Variants in DSCAM observed in about 807,000 individuals in gnomAD.
The protein encoded by DSCAM is cell adhesion molecule DSCAM.
DSCAM carries 47 observed loss-of-function variants against 217.7 expected under a neutral mutation model. The observed-to-expected ratio is 0.22, with a 90% CI of 0.17 to 0.28. The LOEUF (loss-of-function observed/expected upper bound fraction) is 0.28, where lower values mean the gene tolerates loss of function less well. Ranked by LOEUF, DSCAM falls within the 10% of genes least tolerant of loss-of-function variation. The pLI, the probability that DSCAM is intolerant of heterozygous loss-of-function variation, is 1.00. For missense variants in DSCAM, 2,080 were observed against 2,618.3 expected (o/e 0.79, Z 4.49); for synonymous variants, 1,056 against 1,015.3 (o/e 1.04, Z -0.76).
chr21:40,061,308 C>T (rs2089115727), intron 28 of DSCAM, among the ~76,000 whole-genome samples: 1 of 152,142 alleles, frequency 6.6e-6, no homozygotes, highest in African/African-American at 2.4e-5. Flanking sequence ...GTGGCTCATG[C>T]CTGTAATCCC....
At chr21:40,351,117 T>C (rs529839937) in intron 5 of DSCAM, among the ~76,000 whole-genome samples, 13 of 152,130 alleles carry the variant, frequency 8.5e-5, no homozygotes, top group Admixed American at 8.5e-4. Context: ...GGAAAACCCG[T>C]CATTGAAGAC....
chr21:40,498,723 ATATGGGTGTGTG>A (rs1410182081), intron 3 of DSCAM, among the ~76,000 whole-genome samples: 7 of 22,888 alleles, frequency 3.1e-4, no homozygotes, highest in African/African-American at 1.1e-3. Flanking sequence ...GTGTATATAT[ATATGGGTGTGTG>A]TATATATATA....
At chr21:40,326,775 G>A (rs1313064466) in intron 8 of DSCAM, among the ~76,000 whole-genome samples, 1 of 151,860 alleles carries the variant, frequency 6.6e-6, no homozygotes, top group South Asian at 2.1e-4. Flanking sequence ...ACAGTCCAGG[G>A]GCATGTTGAA....
At chr21:40,275,415 G>A (rs1189716912) in intron 11 of DSCAM, among the ~76,000 whole-genome samples, 1 of 152,168 alleles carries the variant, frequency 6.6e-6, no homozygotes, top group Admixed American at 6.5e-5. Context: ...CCATAAATGG[G>A]CATAAGCCAT....
chr21:40,296,763 G>A (rs984371945), intron 9 of DSCAM, among the ~76,000 whole-genome samples: 7 of 149,442 alleles, frequency 4.7e-5, no homozygotes, highest in African/African-American at 1.2e-4. Context: ...CCCGGGAAGC[G>A]GAGGTTGCAG....
intron 3 of DSCAM, among the ~76,000 whole-genome samples, chr21:40,539,009 G>A (rs1306497316): frequency 2.0e-5 from 3 of 152,144 alleles, no homozygotes; most frequent in Admixed American, 6.5e-5. Flanking sequence ...CCCAGACAGA[G>A]ACTTTCATAG....
At chr21:40,821,475 T>A (rs563659312) in intron 1 of DSCAM, among the ~76,000 whole-genome samples, 8 of 152,154 alleles carry the variant, frequency 5.3e-5, no homozygotes, top group Non-Finnish European at 1.2e-4. Flanking sequence ...ACAGCACTGA[T>A]CCATGTTCCC....
At chr21:40,459,023 C>G (rs1019026171) in intron 3 of DSCAM, among the ~76,000 whole-genome samples, 3 of 150,874 alleles carry the variant, frequency 2.0e-5, no homozygotes, top group Non-Finnish European at 4.4e-5. Context: ...ATATAAATAA[C>G]AAGAAAGGAT....
intron 3 of DSCAM, among the ~76,000 whole-genome samples, chr21:40,515,318 AACTGTAGCATACCTTCC>A (rs1339016512): frequency 6.6e-6 from 1 of 152,228 alleles, no homozygotes; most frequent in African/African-American, 2.4e-5. Flanking sequence ...ATAGTACAGT[AACTGTAGCATACCTTCC>A]ACTTCCACTC....
chr21:40,529,220 C>G (rs1353151692), intron 3 of DSCAM, among the ~76,000 whole-genome samples: 1 of 152,094 alleles, frequency 6.6e-6, no homozygotes, highest in Admixed American at 6.5e-5. Context: ...TTAGCCCCTC[C>G]TCTTCCTCAA....
intron 16 of DSCAM, among the ~76,000 whole-genome samples, chr21:40,160,110 A>G (rs935831330): frequency 1.3e-4 from 20 of 152,168 alleles, no homozygotes; most frequent in Admixed American, 3.9e-4. Context: ...GTTATCCTCT[A>G]TGGCTATCAA....
chr21:40,187,368 G>T, intron 13 of DSCAM, 109 bp from the exon 14 acceptor site: 3 of 1,342,658 alleles, frequency 2.2e-6, no homozygotes, highest in Non-Finnish European at 2.0e-6. Flanking sequence ...CATTAGACAA[G>T]AACAGAAGCT....
At chr21:40,166,219 A>T (rs77457872) in intron 16 of DSCAM, among the ~76,000 whole-genome samples, 7,133 of 152,234 alleles carry the variant, frequency 0.047, 506 homozygotes, top group African/African-American at 0.15. Flanking sequence ...GAGGTGTGTG[A>T]TGTGAAGACC....
chr21:40,757,943 TGGAAATAAGA>T (rs935172861), intron 1 of DSCAM, among the ~76,000 whole-genome samples: 1 of 152,156 alleles, frequency 6.6e-6, no homozygotes, highest in African/African-American at 2.4e-5. Flanking sequence ...TGACCTTATT[TGGAAATAAGA>T]ACTTTGTAGA....
At chr21:40,204,303 G>A (rs987302439) in intron 11 of DSCAM, among the ~76,000 whole-genome samples, 2 of 152,178 alleles carry the variant, frequency 1.3e-5, no homozygotes, top group East Asian at 1.9e-4. Context: ...ATGTGTTTGC[G>A]TGGATGTGGA....
intron 10 of DSCAM, among the ~76,000 whole-genome samples, chr21:40,293,677 C>A (rs1038646280): frequency 1.3e-5 from 2 of 152,044 alleles, no homozygotes; most frequent in African/African-American, 4.8e-5. Flanking sequence ...AAAAAATTAG[C>A]CAGGCTTGGT....
chr21:40,448,641 CTATT>C (rs572435112), intron 3 of DSCAM, among the ~76,000 whole-genome samples: 18 of 152,146 alleles, frequency 1.2e-4, no homozygotes, highest in Middle Eastern at 3.4e-3. Flanking sequence ...ATAAATCAAT[CTATT>C]TATCTATCTA....
intron 3 of DSCAM, among the ~76,000 whole-genome samples, chr21:40,391,808 A>C (rs567491269): frequency 6.6e-6 from 1 of 152,352 alleles, no homozygotes; most frequent in East Asian, 1.9e-4. Flanking sequence ...TGCTAACTAC[A>C]AAAATCTCAT....
intron 18 of DSCAM, among the ~76,000 whole-genome samples, chr21:40,137,765 T>A (rs2090231120): frequency 6.6e-6 from 1 of 152,190 alleles, no homozygotes. Flanking sequence ...AAAATAGTTT[T>A]GTGTATTTAT....
Sources: gnomAD v4.1 joint callset for allele counts (sites outside exome capture counted in the v4.1 genomes callset) on GRCh38, gnomAD v4.1.1 for gene constraint, MANE v1.5 for transcripts, NCBI Gene and HGNC (gene_info 2026-07-23, HGNC 2026-07-21) for gene names.